The following ARHGAP24 variants were observed in gnomAD, a reference collection of about 807,000 sequenced individuals.
ARHGAP24 encodes the protein rho GTPase-activating protein 24.
In ARHGAP24, 50 loss-of-function variants were observed where a neutral mutation model predicts 76.4. The ratio of observed to expected loss-of-function variants is 0.65; its 90% CI spans 0.52 to 0.83. The LOEUF is 0.83. ARHGAP24 is among the 40% of genes least tolerant of loss of function. ARHGAP24 has a pLI of 0.00. For synonymous variants in ARHGAP24, 345 were observed against 323.3 expected, an observed-to-expected ratio of 1.07 and a Z score of -0.72; for missense variants, 930 against 914.2, an observed-to-expected ratio of 1.02 and a Z score of -0.22.
intron 3 of ARHGAP24, among the ~76,000 whole-genome samples, chr4:85,800,146 A>G (rs1003331700): frequency 1.3e-5 from 2 of 152,252 alleles, no homozygotes; most frequent in Non-Finnish European, 2.9e-5. Context: ...GGATAATTGT[A>G]TCAAGGATAT....
At chr4:85,696,991 G>A (rs569392335) in intron 2 of ARHGAP24, among the ~76,000 whole-genome samples, 9 of 152,202 alleles carry the variant, frequency 5.9e-5, no homozygotes, top group South Asian at 2.1e-4. Flanking sequence ...GGATATAATC[G>A]TGAGCAATAA....
intron 3 of ARHGAP24, among the ~76,000 whole-genome samples, chr4:85,856,079 T>C (rs1731541448): frequency 6.6e-6 from 1 of 152,190 alleles, no homozygotes; most frequent in Non-Finnish European, 1.5e-5. Flanking sequence ...CCCACCAGCA[T>C]GTTTAAGATT....
chr4:85,527,253 G>C (rs1725045219), intron 1 of ARHGAP24, among the ~76,000 whole-genome samples: 1 of 152,118 alleles, frequency 6.6e-6, no homozygotes, highest in Non-Finnish European at 1.5e-5. Flanking sequence ...CTTACATTCA[G>C]TATAACTCTA....
intron 3 of ARHGAP24, among the ~76,000 whole-genome samples, chr4:85,794,419 C>G (rs1257693866): frequency 6.6e-6 from 1 of 152,132 alleles, no homozygotes; most frequent in Non-Finnish European, 1.5e-5. Flanking sequence ...AAGAATACTT[C>G]CCAAATATAA....
At position 85,925,708 on chromosome 4, in the gene ARHGAP24, A is replaced by G. The variant is rs184879154; in HGVS notation, c.391+1938A>G. The stretch of plus-strand genomic sequence containing the variant: ...TATGTATGTATACGAAAAATATAGT[A>G]TATAAAGGGTTCAGTAATATCTGAG... On this transcript the variant is annotated intron_variant, in intron 4 of 9. Transcript: ENST00000395184. 5.6e-4 allele frequency among the ~76,000 whole-genome samples: 85 copies of G among 152,296 alleles called. 1 individual carries two copies. Among genetic ancestry groups the G allele is most frequent in the African/African-American group, 2.0e-3 (82 of 41,558 alleles).
At chr4:85,972,329 G>C (rs1739035376) in intron 6 of ARHGAP24, 161 bp downstream of exon 6, 1 of 881,238 alleles carries the variant, frequency 1.1e-6, no homozygotes. Flanking sequence ...TACAGCTCAA[G>C]CACCATTTCC....
At chr4:85,507,337 T>A (rs1215136988) in intron 1 of ARHGAP24, among the ~76,000 whole-genome samples, 2 of 152,226 alleles carry the variant, frequency 1.3e-5, no homozygotes, top group Non-Finnish European at 2.9e-5. Context: ...TCCTCCTGCC[T>A]CAGCCTCCTG....
At chr4:85,564,032 C>A (rs1437490355) in intron 1 of ARHGAP24, among the ~76,000 whole-genome samples, 1 of 152,094 alleles carries the variant, frequency 6.6e-6, no homozygotes, top group Non-Finnish European at 1.5e-5. Flanking sequence ...AATAATAGCA[C>A]AATCAGGTTT....
intron 2 of ARHGAP24, among the ~76,000 whole-genome samples, chr4:85,660,782 G>A (rs905583878): frequency 1.1e-4 from 6 of 56,810 alleles, no homozygotes; most frequent in African/African-American, 3.2e-4. Context: ...GTGACAGAGA[G>A]AGACTCCGTC....
intron 2 of ARHGAP24, among the ~76,000 whole-genome samples, chr4:85,591,928 A>G (rs1011376972): frequency 3.3e-5 from 5 of 152,190 alleles, no homozygotes; most frequent in Non-Finnish European, 7.3e-5. Context: ...CACACTCCCC[A>G]CACCACCACA....
Position 86,001,179 on chromosome 4 carries a change from A to T in ARHGAP24, c.*457A>T, listed in dbSNP as rs1300100189. 5.1e-6 allele frequency: 2 copies of T among 394,762 alleles called. No individual in the cohort carries two copies. Among genetic ancestry groups the T allele is most frequent in the African/African-American group, 4.1e-5 (2 of 48,504 alleles). 24.5% of individuals were successfully genotyped at this position (394,762 alleles called of 1,614,324 possible). ...TGAGGAAATGAAGATAAGCAAAAAT[A>T]TAAATATATATATAAATATATGAGT... is the stretch of plus-strand genomic sequence containing the variant. On this transcript the variant is annotated 3_prime_UTR_variant, in exon 10 of 10. Coordinates refer to ENST00000395184, the MANE Select transcript of ARHGAP24 (RefSeq NM_001025616.3).
chr4:85,514,822 A>ATT (rs1724426639), intron 1 of ARHGAP24, among the ~76,000 whole-genome samples: 1 of 144,552 alleles, frequency 6.9e-6, no homozygotes, highest in Non-Finnish European at 1.5e-5. Context: ...AATTGTAAAA[A>ATT]AAAAAAAAAA....
At chr4:85,908,662 G>A (rs1734906685) in intron 3 of ARHGAP24, among the ~76,000 whole-genome samples, 1 of 152,052 alleles carries the variant, frequency 6.6e-6, no homozygotes, top group Non-Finnish European at 1.5e-5. Flanking sequence ...TAATAGTGAA[G>A]GAGATTTTCC....
intron 1 of ARHGAP24, among the ~76,000 whole-genome samples, chr4:85,561,196 G>A (rs1273978929): frequency 6.6e-6 from 1 of 152,134 alleles, no homozygotes; most frequent in African/African-American, 2.4e-5. Flanking sequence ...GGTGGTGGTG[G>A]CACCAGGGAA....
At chr4:85,560,438 A>T (rs1726548836) in intron 1 of ARHGAP24, among the ~76,000 whole-genome samples, 1 of 152,190 alleles carries the variant, frequency 6.6e-6, no homozygotes. Flanking sequence ...TAGCAAATGA[A>T]TACGGAAACG....
chr4:85,650,410 C>G (rs1721891446), intron 2 of ARHGAP24, among the ~76,000 whole-genome samples: 1 of 149,312 alleles, frequency 6.7e-6, no homozygotes, highest in Non-Finnish European at 1.5e-5. Context: ...GGTTTCAGCC[C>G]TAGGTTTATC....
chr4:85,976,624 G>A (rs1243094013), intron 7 of ARHGAP24, among the ~76,000 whole-genome samples: 1 of 152,156 alleles, frequency 6.6e-6, no homozygotes, highest in Non-Finnish European at 1.5e-5. Flanking sequence ...TGAAGAGGAG[G>A]TAGGGAATGA....
intron 5 of ARHGAP24, among the ~76,000 whole-genome samples, chr4:85,950,780 C>T (rs2148832102): frequency 6.6e-6 from 1 of 152,082 alleles, no homozygotes; most frequent in Non-Finnish European, 1.5e-5. Flanking sequence ...AAGCGATTCT[C>T]CTGCCTCAGC....
In ARHGAP24 at chr4:85,995,401, T is replaced by A. The variant is rs1310301044; in HGVS notation, c.1747T>A (p.Phe583Ile). Residue 583 changes from phenylalanine (F) to isoleucine (I), a missense_variant, in exon 9 of 10, where the codon TTT becomes ATT. Transcript: ENST00000395184. ...SSTTTCPEQD[F>I]FGGNFEDPVL... ...TACCACCACCTGCCCAGAGCAAGAC[T>A]TTTTTGGGGGGAACTTTGAGGACCC... 6.2e-7 allele frequency: 1 copy of A among 1,612,670 alleles called. No homozygotes were observed. Among genetic ancestry groups the A allele is most frequent in the Non-Finnish European group, 8.5e-7 (1 of 1,178,982 alleles).
Sources: allele counts gnomAD v4.1 joint callset (sites outside exome capture counted in the v4.1 genomes callset), GRCh38; gene constraint gnomAD v4.1.1; transcripts MANE v1.5; gene names NCBI Gene and HGNC (gene_info 2026-07-23, HGNC 2026-07-21).